The following EFCAB6 variants were observed in gnomAD, a reference collection of about 807,000 sequenced individuals.
The protein encoded by EFCAB6 is EF-hand calcium binding domain 6, also known as EF-hand calcium-binding domain-containing protein 6.
EFCAB6 carries 156 observed loss-of-function variants against 169.8 expected under a neutral mutation model. The ratio of observed to expected loss-of-function variants is 0.92; its 90% CI spans 0.81 to 1.05. The LOEUF is 1.05. EFCAB6 is among the 50% of genes least tolerant of loss of function. The probability of loss-of-function intolerance (pLI) is 0.00; values close to 1 mark genes in which losing one functional copy is unlikely to be tolerated. For missense variants in EFCAB6, 1,800 were observed against 1,829.1 expected, an observed-to-expected ratio of 0.98 and a Z score of 0.29; for synonymous variants, 698 against 676.4, an observed-to-expected ratio of 1.03 and a Z score of -0.50.
chr22:43,637,821 C>A (rs1307294141), intron 17 of EFCAB6, among the ~76,000 whole-genome samples: 2 of 152,214 alleles, frequency 1.3e-5, no homozygotes, highest in Non-Finnish European at 2.9e-5. Flanking sequence ...GCACACACAG[C>A]CGCGGTGAGC....
intron 6 of EFCAB6, among the ~76,000 whole-genome samples, chr22:43,747,548 G>A (rs1961671358): frequency 6.6e-6 from 1 of 152,134 alleles, no homozygotes; most frequent in African/African-American, 2.4e-5. Flanking sequence ...TGCAGGTTTG[G>A]GGAGGAAGAC....
intron 17 of EFCAB6, among the ~76,000 whole-genome samples, chr22:43,655,033 G>A (rs755815928): frequency 2.6e-4 from 40 of 152,124 alleles, no homozygotes; most frequent in Admixed American, 5.9e-4. Context: ...TGAGCCGAGC[G>A]GATCACCTGA....
chr22:43,618,369 G>A lies in EFCAB6; in HGVS notation c.2466-2447C>T, dbSNP rs188998356. 7.1e-4 allele frequency among the ~76,000 whole-genome samples: 108 copies of A among 152,154 alleles called. 1 individual carries two copies. In the East Asian group the frequency reaches 0.019, roughly 27 times the overall value. On this transcript the variant is annotated intron_variant, in intron 20 of 31. Coordinates refer to ENST00000262726, the MANE Select transcript of EFCAB6 (RefSeq NM_022785.4). ...CTTTGACAGCCGCATGAAGACCTCA[G>A]GGAACACACTCCAGGCAGTATGAGG...
intron 4 of EFCAB6, among the ~76,000 whole-genome samples, chr22:43,772,527 G>C (rs2061503422): frequency 6.6e-6 from 1 of 151,806 alleles, no homozygotes; most frequent in African/African-American, 2.4e-5. Context: ...TGTAATCCCA[G>C]CTACTCAGGA....
intron 13 of EFCAB6, among the ~76,000 whole-genome samples, chr22:43,672,883 T>TAA (rs35239951): frequency 2.0e-5 from 3 of 150,922 alleles, no homozygotes; most frequent in East Asian, 1.9e-4. Context: ...AAATAAAAGT[T>TAA]AAAAAAAAAT....
At chr22:43,585,049 GAC>G (rs1473030210) in intron 24 of EFCAB6, among the ~76,000 whole-genome samples, 1 of 152,120 alleles carries the variant, frequency 6.6e-6, no homozygotes, top group Admixed American at 6.5e-5. Flanking sequence ...TCTGGCTTTT[GAC>G]AACAACAAAA....
chr22:43,605,735 C>T (rs898730811), intron 22 of EFCAB6, among the ~76,000 whole-genome samples: 6 of 152,046 alleles, frequency 3.9e-5, no homozygotes, highest in East Asian at 1.9e-4. Flanking sequence ...TGAATACCAC[C>T]GAGCTGTGTG....
At position 43,668,888 on chromosome 22, in the gene EFCAB6, G is replaced by T. The variant is rs147421273; in HGVS notation, c.1798C>A (p.Pro600Thr). ...EHLQKDEQQQPDLSERTKLTE... is the reference protein window; with the variant it reads ...EHLQKDEQQQTDLSERTKLTE... ...TAATTTTACCTCTCAGAAAGATCTGGCTGCTGCTGTTCATCTTTTTGTAAA... is the reference window on the plus strand; with the variant it reads ...TAATTTTACCTCTCAGAAAGATCTGTCTGCTGCTGTTCATCTTTTTGTAAA... Residue 600 changes from proline to threonine, a missense_variant, in exon 16 of 32, where the codon CCA (proline) becomes ACA (threonine). Physicochemically the swap from Pro to Thr is conservative, Grantham distance 38 (BLOSUM62 -1). Transcript: ENST00000262726. 1.2e-6 allele frequency: 2 copies of T among 1,603,258 alleles called. No homozygotes were observed. The highest frequency in any genetic ancestry group is 1.7e-6 in the Non-Finnish European group (2 of 1,174,878).
chr22:43,568,467 T>C (rs1173230161), intron 26 of EFCAB6, among the ~76,000 whole-genome samples: 2 of 152,204 alleles, frequency 1.3e-5, no homozygotes, highest in African/African-American at 4.8e-5. Context: ...GTCGTGGCTC[T>C]GGAGGGACCA....
chr22:43,615,679 T>C, intron 21 of EFCAB6, 147 bp downstream of exon 21: 1 of 557,014 alleles, frequency 1.8e-6, no homozygotes. Flanking sequence ...TGAAAAAGTC[T>C]TTTAAGAATA....
chr22:43,800,036 G>A (rs2062647406), intron 2 of EFCAB6, among the ~76,000 whole-genome samples: 1 of 152,196 alleles, frequency 6.6e-6, no homozygotes. Flanking sequence ...ACAGACAGAG[G>A]TAAAGAGGGG....
chr22:43,580,453 G>A lies in EFCAB6; in HGVS notation c.3228+11C>T, dbSNP rs551453865. On this transcript the variant is annotated intron_variant, in intron 25 of 31. Transcript: ENST00000262726. ...GAGTTTTCACAGTAAAGCACTTTCA[G>A]CCTGTCATACCGTGGACAAAGCCAG... 1 of 1,613,026 alleles carries A rather than the reference G, an allele frequency of 6.2e-7. No homozygotes were observed. Among genetic ancestry groups the A allele is most frequent in the South Asian group, 1.1e-5 (1 of 90,900 alleles).
chr22:43,762,880 G>A, intron 5 of EFCAB6, among the ~76,000 whole-genome samples: 1 of 152,158 alleles, frequency 6.6e-6, no homozygotes, highest in African/African-American at 2.4e-5. Context: ...ATGGTTTTAT[G>A]TCAAGAACAA....
At chr22:43,685,695 C>T (rs1326474407) in intron 11 of EFCAB6, among the ~76,000 whole-genome samples, 3 of 152,184 alleles carry the variant, frequency 2.0e-5, no homozygotes, top group African/African-American at 4.8e-5. Context: ...TTATCTGTCA[C>T]GGTATTCTGA....
intron 17 of EFCAB6, among the ~76,000 whole-genome samples, chr22:43,660,259 C>T (rs554484170): frequency 1.3e-5 from 2 of 152,266 alleles, no homozygotes; most frequent in East Asian, 1.9e-4. Context: ...TTATGTTCCC[C>T]GTGGGTCACT....
chr22:43,611,229 GA>G (rs2053277457), intron 21 of EFCAB6, among the ~76,000 whole-genome samples: 1 of 152,104 alleles, frequency 6.6e-6, no homozygotes. Flanking sequence ...GCAAAATTAG[GA>G]ATGTAATCCC....
rs368035237 is a variant in EFCAB6, at chr22:43,668,811, A to T, written c.1814+61T>A. 4.4e-6 allele frequency: 6 copies of T among 1,364,006 alleles called. No individual in the cohort carries two copies. The East Asian group carries it at 1.5e-4, about 35-fold the overall frequency. The allele number at this position is 1,364,006 out of a possible 1,614,324, so 84.5% of individuals were successfully genotyped here. A position where few individuals can be genotyped will look rare whatever the true frequency, so the allele number is the denominator to read the frequency against. ...TACTCAGTTGACAAATAGTTACTAAATACCTATTCCATGACAGACACTGTG... is the reference window on the plus strand; with the variant it reads ...TACTCAGTTGACAAATAGTTACTAATTACCTATTCCATGACAGACACTGTG... On this transcript the variant is annotated intron_variant, in intron 16 of 31. Coordinates refer to ENST00000262726, the MANE Select transcript of EFCAB6 (RefSeq NM_022785.4).
chr22:43,604,702 T>A (rs1212279248), intron 22 of EFCAB6, among the ~76,000 whole-genome samples: 1 of 151,272 alleles, frequency 6.6e-6, no homozygotes, highest in South Asian at 2.1e-4. Context: ...AACCATGGGT[T>A]TTTTTTTTGT....
At chr22:43,657,288 C>G (rs367680405) in intron 17 of EFCAB6, among the ~76,000 whole-genome samples, 1 of 152,102 alleles carries the variant, frequency 6.6e-6, no homozygotes, top group African/African-American at 2.4e-5. Flanking sequence ...GAGAGAGACC[C>G]TGTCCTCCCA....
Sources: allele counts gnomAD v4.1 joint callset (sites outside exome capture counted in the v4.1 genomes callset), GRCh38; gene constraint gnomAD v4.1.1; transcripts MANE v1.5; gene names NCBI Gene and HGNC (gene_info 2026-07-23, HGNC 2026-07-21).